MROH9: variants seen among roughly 807,000 people sequenced by gnomAD.
The protein encoded by MROH9 is maestro heat-like repeat-containing protein family member 9.
In MROH9, 92 loss-of-function variants were observed where a neutral mutation model predicts 98.2. The ratio of observed to expected loss-of-function variants is 0.94; its 90% CI spans 0.79 to 1.11. The LOEUF is 1.11. Among genes scored for constraint, MROH9 ranks in the 50% most tolerant of loss-of-function variants. MROH9 has a pLI of 0.00. For synonymous variants in MROH9, 397 were observed against 368.9 expected, an observed-to-expected ratio of 1.08 and a Z score of -0.87; for missense variants, 1,057 against 1,014.8, an observed-to-expected ratio of 1.04 and a Z score of -0.57.
At position 170,992,321 on chromosome 1, in the gene MROH9, C is replaced by A. The variant is rs1205122746; in HGVS notation, c.1186C>A (p.Pro396Thr). 6.2e-7 allele frequency: 1 copy of A among 1,612,214 alleles called. No individual in the cohort carries two copies. Among genetic ancestry groups the A allele is most frequent in the Non-Finnish European group, 8.5e-7 (1 of 1,179,120 alleles). ...RFSLDITNLMPLAACQALCTF... is the reference protein window; with the variant it reads ...RFSLDITNLMTLAACQALCTF... ...CTCTCTTGATATTACCAACTTGATG[C>A]CTTTGGCGGTAAATAACACGATGAG... Residue 396 changes from proline (P) to threonine (T), a missense_variant, in exon 12 of 22, where the codon CCT becomes ACT. Pro to Thr is a conservative substitution (Grantham distance 38, BLOSUM62 -1). Coordinates refer to ENST00000367759, the MANE Select transcript of MROH9 (RefSeq NM_001163629.2).
intron 3 of MROH9, among the ~76,000 whole-genome samples, 199 bp downstream of exon 3, chr1:170,947,772 A>G (rs1649390500): frequency 6.6e-6 from 1 of 151,916 alleles, no homozygotes; most frequent in African/African-American, 2.4e-5. Context: ...TCATTCTCTC[A>G]TGCTCCTGAA....
At chr1:170,976,350 A>T (rs895240509) in intron 8 of MROH9, among the ~76,000 whole-genome samples, 2 of 137,120 alleles carry the variant, frequency 1.5e-5, no homozygotes, top group Admixed American at 1.4e-4. Context: ...GTGGTAATGA[A>T]TTTCTTCAGC....
chr1:170,956,496 AGT>A (rs1345088643), intron 3 of MROH9, among the ~76,000 whole-genome samples: 1 of 150,204 alleles, frequency 6.7e-6, no homozygotes. Flanking sequence ...TTATTTCAGC[AGT>A]GTTTTGCAGT....
intron 3 of MROH9, among the ~76,000 whole-genome samples, chr1:170,950,250 A>C (rs867458998): frequency 4.6e-5 from 7 of 152,206 alleles, no homozygotes; most frequent in South Asian, 2.1e-4. Context: ...TTGAACAAAC[A>C]ATGAAGTTGA....
At chr1:171,020,141 A>C (rs997767878) in intron 17 of MROH9, among the ~76,000 whole-genome samples, 2 of 152,198 alleles carry the variant, frequency 1.3e-5, no homozygotes, top group African/African-American at 4.8e-5. Flanking sequence ...ACTGATAAAA[A>C]AAAGCTCAGG....
intron 20 of MROH9, among the ~76,000 whole-genome samples, chr1:171,039,995 A>G (rs1280668003): frequency 2.0e-5 from 3 of 152,150 alleles, no homozygotes; most frequent in South Asian, 2.1e-4. Flanking sequence ...TTTGATAAGC[A>G]AAGAAAATCC....
intron 1 of MROH9, among the ~76,000 whole-genome samples, chr1:170,945,026 C>T (rs956415490): frequency 6.6e-6 from 1 of 151,912 alleles, no homozygotes; most frequent in Non-Finnish European, 1.5e-5. Flanking sequence ...TCACATGAGT[C>T]TTTTAAGTCT....
intron 15 of MROH9, among the ~76,000 whole-genome samples, chr1:171,004,231 C>T (rs1188464626): frequency 6.6e-6 from 1 of 152,172 alleles, no homozygotes; most frequent in Non-Finnish European, 1.5e-5. Context: ...GTCTGCAAGC[C>T]ACATTCATGC....
rs148970402 is a variant in MROH9 at position 171,001,038 on chromosome 1, T to C, written c.1596+2764T>C. 4.4e-3 allele frequency among the ~76,000 whole-genome samples: 668 copies of C among 152,226 alleles called. 8 individuals are homozygous for C. The highest frequency in any genetic ancestry group is 0.015 in the African/African-American group (644 of 41,556). On this transcript the variant is annotated intron_variant, in intron 15 of 21. Coordinates refer to ENST00000367759, the MANE Select transcript of MROH9 (RefSeq NM_001163629.2). Reference sequence around the variant, plus strand: ...TAGTTTATGTGCATAAAGGTGTTCATAGTAGCCTTGAAGGATCTTTTGTAT... The same window carrying C: ...TAGTTTATGTGCATAAAGGTGTTCACAGTAGCCTTGAAGGATCTTTTGTAT...
At chr1:171,058,403 G>A (rs1456649082) in intron 20 of MROH9, among the ~76,000 whole-genome samples, 2 of 149,230 alleles carry the variant, frequency 1.3e-5, no homozygotes, top group East Asian at 1.9e-4. Context: ...AATCAATATC[G>A]TGAAAATGGC....
chr1:171,048,807 G>A (rs531895966), intron 20 of MROH9, among the ~76,000 whole-genome samples: 2 of 152,200 alleles, frequency 1.3e-5, no homozygotes. Context: ...CCACAATGTA[G>A]TACCTGGGTA....
intron 15 of MROH9, among the ~76,000 whole-genome samples, chr1:170,999,077 C>T (rs906318764): frequency 7.9e-5 from 12 of 152,050 alleles, no homozygotes; most frequent in Non-Finnish European, 1.0e-4. Flanking sequence ...TACTGCGTGA[C>T]TCATTATTTT....
intron 3 of MROH9, among the ~76,000 whole-genome samples, chr1:170,955,639 T>C (rs766095308): frequency 3.3e-5 from 5 of 152,190 alleles, no homozygotes; most frequent in Non-Finnish European, 5.9e-5. Context: ...TGTCTACTCA[T>C]GTCTTGGCCC....
chr1:171,007,558 A>G (rs1293951438), intron 15 of MROH9, among the ~76,000 whole-genome samples: 1 of 152,210 alleles, frequency 6.6e-6, no homozygotes, highest in Non-Finnish European at 1.5e-5. Flanking sequence ...ACTAGACAGG[A>G]AGAACTGCTC....
rs749298866 is a variant in MROH9 at position 170,958,491 on chromosome 1, T to C, written c.103T>C (p.Tyr35His). 6.3e-7 allele frequency: 1 copy of C among 1,593,166 alleles called. No homozygotes were observed. Among genetic ancestry groups the C allele is most frequent in the South Asian group, 1.1e-5 (1 of 88,784 alleles). ...TAAAGTTAACAGCCTATTGGATGCA[T>C]ACTCAGGCCTGTTAAGTAATGAATC... ...AHKVNSLLDA[Y>H]SGLLSNESMI... Residue 35 changes from tyrosine to histidine, a missense_variant, in exon 4 of 22, where the codon TAC becomes CAC. Physicochemically the swap from Tyr to His is moderately conservative, Grantham distance 83. Transcript: ENST00000367759.
chr1:171,010,382 T>C (rs1652109036), intron 15 of MROH9, among the ~76,000 whole-genome samples: 1 of 152,214 alleles, frequency 6.6e-6, no homozygotes, highest in Admixed American at 6.5e-5. Flanking sequence ...TTGTGAATAG[T>C]GCTAGAATAA....
At chr1:171,060,500 A>G (rs953822014) in intron 20 of MROH9, among the ~76,000 whole-genome samples, 4 of 152,176 alleles carry the variant, frequency 2.6e-5, no homozygotes, top group Non-Finnish European at 4.4e-5. Context: ...TTAAAGAGGA[A>G]CTAGAGTTGA....
chr1:171,056,165 G>A (rs991481975), intron 20 of MROH9, among the ~76,000 whole-genome samples: 2 of 152,200 alleles, frequency 1.3e-5, no homozygotes, highest in African/African-American at 4.8e-5. Flanking sequence ...GCTGCCTGAT[G>A]TCTAAGCCAT....
chr1:171,039,825 G>A (rs962678263), intron 20 of MROH9, among the ~76,000 whole-genome samples: 5 of 151,990 alleles, frequency 3.3e-5, no homozygotes, highest in South Asian at 2.1e-4. Flanking sequence ...CACAAAACAA[G>A]TTTTTTTAAA....
Sources: gnomAD v4.1 joint callset for allele counts (sites outside exome capture counted in the v4.1 genomes callset) on GRCh38, gnomAD v4.1.1 for gene constraint, MANE v1.5 for transcripts, NCBI Gene and HGNC (gene_info 2026-07-23, HGNC 2026-07-21) for gene names.